The following PIP5K1B variants were observed in gnomAD, a reference collection of about 807,000 sequenced individuals.
The protein encoded by PIP5K1B is phosphatidylinositol-4-phosphate 5-kinase type 1 beta.
In PIP5K1B, 42 loss-of-function variants were observed where a neutral mutation model predicts 67.0. That is an observed-to-expected ratio of 0.63 (90% CI 0.49 to 0.81). PIP5K1B has a LOEUF of 0.81. PIP5K1B is among the 30% of genes least tolerant of loss of function. The probability of loss-of-function intolerance (pLI) is 0.00; values close to 1 mark genes in which losing one functional copy is unlikely to be tolerated. For synonymous variants in PIP5K1B, 214 were observed against 231.4 expected, an observed-to-expected ratio of 0.92 and a Z score of 0.68; for missense variants, 459 against 646.3, an observed-to-expected ratio of 0.71 and a Z score of 3.14.
At chr9:68,863,746 G>A in intron 4 of PIP5K1B, 91 bp from the exon 5 acceptor site, 1 of 1,090,964 alleles carries the variant, frequency 9.2e-7, no homozygotes, top group South Asian at 1.9e-5. Flanking sequence ...GCAAGAAAGA[G>A]AATTGAACCT....
At chr9:68,848,689 A>G (rs1055092179) in intron 4 of PIP5K1B, among the ~76,000 whole-genome samples, 1 of 152,234 alleles carries the variant, frequency 6.6e-6, no homozygotes, top group African/African-American at 2.4e-5. Context: ...GCCCTGTGAG[A>G]GCATACAATT....
chr9:68,935,804 G>A (rs1343758818), intron 13 of PIP5K1B: 2 of 152,114 alleles, frequency 1.3e-5, no homozygotes, highest in South Asian at 2.1e-4. Flanking sequence ...GGTACTACAC[G>A]TTCTTTACTT....
chr9:68,725,520 T>C (rs2132274409), intron 1 of PIP5K1B, among the ~76,000 whole-genome samples: 1 of 152,250 alleles, frequency 6.6e-6, no homozygotes, highest in East Asian at 1.9e-4. Flanking sequence ...TAGCCACCAT[T>C]ATAGCCCACG....
At chr9:68,869,945 A>C (rs2132289643) in intron 5 of PIP5K1B, among the ~76,000 whole-genome samples, 1 of 152,274 alleles carries the variant, frequency 6.6e-6, no homozygotes, top group Non-Finnish European at 1.5e-5. Context: ...TTCTTGGGAG[A>C]AAATGAGAAG....
rs538842640 is a variant in PIP5K1B at position 68,866,295 on chromosome 9, C to CA, written c.200+2342dup. ...TGGGCGACAGGGTGGTACTCTGTCTCAAAAAAAAAAAAAAGAAAAAAATTA... is the reference window on the plus strand; with the variant it reads ...TGGGCGACAGGGTGGTACTCTGTCTCAAAAAAAAAAAAAAAGAAAAAAATTA... On this transcript the variant is annotated intron_variant, in intron 5 of 15. Transcript: ENST00000265382. 6.2e-3 allele frequency among the ~76,000 whole-genome samples: 521 copies of CA among 84,460 alleles called. 3 individuals are homozygous for CA. The highest frequency in any genetic ancestry group is 0.022 in the Middle Eastern group (3 of 136). 55.4% of individuals were successfully genotyped at this position (84,460 alleles called of 152,430 possible).
rs184805387 is a variant in PIP5K1B at position 69,008,612 on chromosome 9, T to A, written c.*163T>A. The A allele has an allele frequency of 1.4e-6, 1 of 704,230 alleles. No homozygotes were observed. 43.6% of individuals were successfully genotyped at this position (704,230 alleles called of 1,614,324 possible). A position where few individuals can be genotyped will look rare whatever the true frequency, so the allele number is the denominator to read the frequency against. On this transcript the variant is annotated 3_prime_UTR_variant, in exon 16 of 16. Coordinates refer to ENST00000265382, the MANE Select transcript of PIP5K1B (RefSeq NM_003558.4). ...AGTTTTCAAGATGTCAACTTCAGGC[T>A]GATCAGCAGATGGGATGTGAAAAAT...
intron 2 of PIP5K1B, among the ~76,000 whole-genome samples, chr9:68,806,931 T>C (rs1055855197): frequency 6.8e-6 from 1 of 147,766 alleles, no homozygotes; most frequent in Non-Finnish European, 1.5e-5. Flanking sequence ...TTATTATCTC[T>C]TTTGGCCTTG....
intron 3 of PIP5K1B, among the ~76,000 whole-genome samples, chr9:68,820,273 C>G (rs538521595): frequency 1.3e-5 from 2 of 152,114 alleles, no homozygotes; most frequent in East Asian, 3.9e-4. Flanking sequence ...CAAAACTGAC[C>G]TAATATGATT....
chr9:68,936,640 C>T (rs1286305523), intron 13 of PIP5K1B, among the ~76,000 whole-genome samples: 1 of 152,122 alleles, frequency 6.6e-6, no homozygotes, highest in Non-Finnish European at 1.5e-5. Context: ...CAGCACTTAT[C>T]CATATGTGCT....
At chr9:68,968,829 A>T (rs1385165053) in intron 14 of PIP5K1B, among the ~76,000 whole-genome samples, 1 of 152,042 alleles carries the variant, frequency 6.6e-6, no homozygotes, top group Non-Finnish European at 1.5e-5. Flanking sequence ...AGACTTTAAG[A>T]GTGAAATCTC....
At chr9:68,755,679 C>T (rs1829890663) in intron 2 of PIP5K1B, among the ~76,000 whole-genome samples, 1 of 152,166 alleles carries the variant, frequency 6.6e-6, no homozygotes, top group Non-Finnish European at 1.5e-5. Flanking sequence ...ATTACAATCA[C>T]ATGTGTTTTT....
At chr9:68,776,905 G>T (rs764965175) in intron 2 of PIP5K1B, among the ~76,000 whole-genome samples, 21 of 152,082 alleles carry the variant, frequency 1.4e-4, no homozygotes, top group Admixed American at 7.2e-4. Flanking sequence ...TGATTCCTTC[G>T]AAAGGAAGTA....
intron 4 of PIP5K1B, among the ~76,000 whole-genome samples, chr9:68,830,164 T>A (rs1375143766): frequency 6.6e-6 from 1 of 152,154 alleles, no homozygotes; most frequent in African/African-American, 2.4e-5. Context: ...GTTGTGTTTT[T>A]AAAAATTAAG....
chr9:69,002,821 A>T (rs1462866665), intron 15 of PIP5K1B, among the ~76,000 whole-genome samples: 1 of 152,070 alleles, frequency 6.6e-6, no homozygotes, highest in Non-Finnish European at 1.5e-5. Context: ...CATCTCTACT[A>T]AAAATGCAAA....
At chr9:68,876,170 T>C (rs1459756955) in intron 5 of PIP5K1B, among the ~76,000 whole-genome samples, 2 of 152,212 alleles carry the variant, frequency 1.3e-5, no homozygotes, top group African/African-American at 4.8e-5. Context: ...GTCTCCTTTT[T>C]TGGAAAATGT....
intron 1 of PIP5K1B, among the ~76,000 whole-genome samples, chr9:68,725,160 G>A (rs1828091793): frequency 1.3e-5 from 2 of 152,048 alleles, no homozygotes; most frequent in South Asian, 2.1e-4. Flanking sequence ...TTATCTCCTG[G>A]TCTCATTGGT....
At chr9:68,895,716 T>C (rs954144416) in intron 8 of PIP5K1B, among the ~76,000 whole-genome samples, 3 of 152,142 alleles carry the variant, frequency 2.0e-5, no homozygotes, top group Non-Finnish European at 4.4e-5. Flanking sequence ...TTTTTCTTTA[T>C]TGACAGAGAT....
intron 8 of PIP5K1B, among the ~76,000 whole-genome samples, chr9:68,896,016 T>A (rs1405049699): frequency 6.6e-6 from 1 of 152,194 alleles, no homozygotes; most frequent in African/African-American, 2.4e-5. Flanking sequence ...TTTTTAATTA[T>A]CTTTTCAGAA....
chr9:68,889,162 T>C, intron 7 of PIP5K1B, 29 bp downstream of exon 7: 2 of 1,549,466 alleles, frequency 1.3e-6, no homozygotes, highest in Middle Eastern at 1.7e-4. Context: ...TTAATGCTTC[T>C]ACTTGAAGTT....
Sources: gnomAD v4.1 joint callset for allele counts (sites outside exome capture counted in the v4.1 genomes callset) on GRCh38, gnomAD v4.1.1 for gene constraint, MANE v1.5 for transcripts, NCBI Gene and HGNC (gene_info 2026-07-23, HGNC 2026-07-21) for gene names.